The following PYCR3 variants were observed in gnomAD, a reference collection of about 807,000 sequenced individuals.
PYCR3 encodes pyrroline-5-carboxylate reductase 3, also known as P5C reductase 3.
In PYCR3, 26 loss-of-function variants were observed where a neutral mutation model predicts 23.4. The ratio of observed to expected loss-of-function variants is 1.11; its 90% confidence interval spans 0.81 to 1.54. The LOEUF (loss-of-function observed/expected upper bound fraction) is 1.54. Among genes scored for constraint, PYCR3 ranks in the 40% most tolerant of loss-of-function variants. The probability of loss-of-function intolerance (pLI) is 0.00; values close to 1 mark genes in which losing one functional copy is unlikely to be tolerated. For missense variants in PYCR3, 360 were observed against 376.3 expected (o/e 0.96, Z 0.36); for synonymous variants, 194 against 162.6 (o/e 1.19, Z -1.47).
At chr8:143,608,289 C>T (rs1829457273) in intron 1 of PYCR3, 163 bp from the exon 2 acceptor site, 1 of 605,074 alleles carries the variant, frequency 1.7e-6, no homozygotes, top group Non-Finnish European at 2.9e-6. Context: ...ATTCACTGGG[C>T]CCAGGCAATC....
At position 143,605,967 on chromosome 8, in the gene PYCR3, T is replaced by C; in HGVS notation, c.643-85A>G. The C allele has an allele frequency of 4.5e-6, 7 of 1,561,776 alleles. No homozygotes were observed. The Admixed American group carries it at 7.0e-5, about 16-fold the overall frequency. On this transcript the variant is annotated intron_variant, in intron 5 of 5. Transcript: ENST00000495276. ...CTGCCCTCGTTGCATCCCCCAACCT[T>C]GGCCCCAGCTTCTCGAGCCTGCTGT...
In PYCR3 at chr8:143,605,351, G is replaced by A. The variant is rs1193369458; in HGVS notation, c.*349C>T. On this transcript the variant is annotated 3_prime_UTR_variant, in exon 6 of 6. Transcript: ENST00000495276. ...GGGCCAGCCGTGCCTGTTACCGTAA[G>A]TTCTGTTCATGGCCTCAACCAACTG... The A allele has an allele frequency of 2.7e-6, 1 of 375,722 alleles. No individual in the cohort carries two copies. Among genetic ancestry groups the A allele is most frequent in the African/African-American group, 2.0e-5 (1 of 48,888 alleles). The allele number at this position is 375,722 out of a possible 1,614,324, so 23.3% of individuals were successfully genotyped here.
chr8:143,609,562 A>G lies in PYCR3; in HGVS notation c.-14T>C, dbSNP rs757971555. On this transcript the variant is annotated 5_prime_UTR_variant, in exon 1 of 6. Coordinates refer to ENST00000495276, the MANE Select transcript of PYCR3 (RefSeq NM_023078.6). ...CGCAGCTGCCATCTTGTTGCCTCGG[A>G]CGCCGCTGCGCTCACCGCCCATCCA... 4.3e-4 allele frequency: 639 copies of G among 1,495,664 alleles called. No homozygotes were observed. Among genetic ancestry groups the G allele is most frequent in the Non-Finnish European group, 5.3e-4 (603 of 1,130,180 alleles). The allele number at this position is 1,495,664 out of a possible 1,614,324, so 92.6% of individuals were successfully genotyped here. A position where few individuals can be genotyped will look rare whatever the true frequency, so the allele number is the denominator to read the frequency against.
rs377355698 is a variant in PYCR3, at chr8:143,606,584, C to A, written c.432G>T (p.Val144=). 6 of 1,612,592 alleles carry A rather than the reference C, an allele frequency of 3.7e-6. No individual in the cohort carries two copies. Among genetic ancestry groups the A allele is most frequent in the Middle Eastern group, 3.3e-4 (2 of 6,058 alleles). Residue 144 remains valine (V), a synonymous_variant, in exon 4 of 6, where the codon GTG becomes GTT. Transcript: ENST00000495276. ...GAIVMARGRH[V]GSSETKLLQH... is the part of the protein sequence containing the mutation. The stretch of plus-strand genomic sequence containing the variant: ...GCAGGAGCTTGGTCTCGCTGCTCCC[C>A]ACGTGGCGGCCCCGCGCCATCACTA...
rs1168024351 is a variant in PYCR3, at chr8:143,606,107, G to T, written c.597C>A (p.Gly199=). ...TGCGGTGGGCCAGGCTGCTGGGCAT[G>T]CCCATCTTGACGGCTCCTTCAGCCA... ...EALAEGAVKM[G]MPSSLAHRIA... Residue 199 remains glycine (G), a synonymous_variant, in exon 5 of 6, where the codon GGC becomes GGA. Coordinates refer to ENST00000495276, the MANE Select transcript of PYCR3 (RefSeq NM_023078.6). The T allele has an allele frequency of 5.0e-6, 8 of 1,611,052 alleles. No individual in the cohort carries two copies. Among genetic ancestry groups the T allele is most frequent in the Middle Eastern group, 1.7e-4 (1 of 6,046 alleles).
chr8:143,606,374 G>T, intron 4 of PYCR3, 93 bp downstream of exon 4: 2 of 1,400,290 alleles, frequency 1.4e-6, no homozygotes, highest in Non-Finnish European at 2.0e-6. Context: ...CAGGCCTCAA[G>T]GTTGGACTCT....
At position 143,606,459 on chromosome 8, in the gene PYCR3, A is replaced by G. The variant is rs1259741702; in HGVS notation, c.549+8T>C. ...GGTGGGGCCGGGGATGGACGAGGCAATACTCACGAAGGCCACGCCACTGCC... is the reference window on the plus strand; with the variant it reads ...GGTGGGGCCGGGGATGGACGAGGCAGTACTCACGAAGGCCACGCCACTGCC... On this transcript the variant is annotated splice_region_variant and intron_variant, in intron 4 of 5. Transcript: ENST00000495276. 1 of 1,612,124 alleles carries G rather than the reference A, an allele frequency of 6.2e-7. No individual in the cohort carries two copies. The highest frequency in any genetic ancestry group is 1.3e-5 in the African/African-American group (1 of 75,034).
At chr8:143,607,879 C>T (rs1001161514) in intron 2 of PYCR3, among the ~76,000 whole-genome samples, 183 bp downstream of exon 2, 3 of 152,158 alleles carry the variant, frequency 2.0e-5, no homozygotes, top group African/African-American at 7.2e-5. Flanking sequence ...TTTGCTTTGG[C>T]CCTCCACAAC....
chr8:143,607,070 G>C lies in PYCR3; in HGVS notation c.219C>G (p.Ile73Met), dbSNP rs781243655. 1.2e-6 allele frequency: 2 copies of C among 1,612,656 alleles called. No homozygotes were observed. Among genetic ancestry groups the C allele is most frequent in the Non-Finnish European group, 8.5e-7 (1 of 1,179,754 alleles). ...QEVLQSCLLV[I>M]FATKPHVLPA... ...GCAGCACATGAGGCTTGGTGGCAAAGATGACGAGCAGGCAGCTCTGCAGCA... is the reference window on the plus strand; with the variant it reads ...GCAGCACATGAGGCTTGGTGGCAAACATGACGAGCAGGCAGCTCTGCAGCA... Residue 73 changes from isoleucine (I) to methionine (M), a missense_variant, in exon 3 of 6, where the codon ATC becomes ATG. Physicochemically the swap from Ile to Met is conservative, Grantham distance 10 (BLOSUM62 1). Coordinates refer to ENST00000495276, the MANE Select transcript of PYCR3 (RefSeq NM_023078.6).
rs532528390 is a variant in PYCR3 at position 143,609,489 on chromosome 8, C to G, written c.60G>C (p.Ala20=). 1 of 1,513,910 alleles carries G rather than the reference C, an allele frequency of 6.6e-7. No homozygotes were observed. The highest frequency in any genetic ancestry group is 8.8e-7 in the Non-Finnish European group (1 of 1,138,842). 93.8% of individuals were successfully genotyped at this position (1,513,910 alleles called of 1,614,324 possible). The change falls in exon 1 of 6, where the codon GCG becomes GCC. Residue 20 remains alanine, a synonymous_variant. Coordinates refer to ENST00000495276, the MANE Select transcript of PYCR3 (RefSeq NM_023078.6). ...TGATGAGGCCCTGCGCGATGGCCCCCGCCATGCGGCCCGCGCCCACGAAGC... is the reference window on the plus strand; with the variant it reads ...TGATGAGGCCCTGCGCGATGGCCCCGGCCATGCGGCCCGCGCCCACGAAGC... ...RVGFVGAGRM[A]GAIAQGLIRA...
At position 143,605,228 on chromosome 8, in the gene PYCR3, C is replaced by T. The variant is rs957301948; in HGVS notation, c.*472G>A. 3 of 310,520 alleles carry T rather than the reference C, an allele frequency of 9.7e-6. No homozygotes were observed. 19.2% of individuals were successfully genotyped at this position (310,520 alleles called of 1,614,324 possible). ...TCTCTTGTGCAGACCCCATATGGCTCGTGCCCCCTAGAGCTGAGATGAGGC... is the reference window on the plus strand; with the variant it reads ...TCTCTTGTGCAGACCCCATATGGCTTGTGCCCCCTAGAGCTGAGATGAGGC... On this transcript the variant is annotated 3_prime_UTR_variant, in exon 6 of 6. Transcript: ENST00000495276.
At chr8:143,606,711 T>C (rs764560127) in intron 3 of PYCR3, 32 bp from the exon 4 acceptor site, 33 of 1,555,274 alleles carry the variant, frequency 2.1e-5, no homozygotes, top group Admixed American at 5.7e-5. Flanking sequence ...TCAGGGAGTC[T>C]GTAGGACTGG....
At chr8:143,608,781 G>C in intron 1 of PYCR3, 1 of 456,306 alleles carries the variant, frequency 2.2e-6, no homozygotes, top group Non-Finnish European at 4.4e-6. Context: ...GCTCTGGGAG[G>C]CATGCGGTAC....
rs1329799511 is a variant in PYCR3, at chr8:143,605,121, T to C, written c.*579A>G. 2.8e-6 allele frequency: 1 copy of C among 357,628 alleles called. No individual in the cohort carries two copies. Among genetic ancestry groups the C allele is most frequent in the East Asian group, 7.8e-5 (1 of 12,744 alleles). The allele number at this position is 357,628 out of a possible 1,614,324, so 22.2% of individuals were successfully genotyped here. On this transcript the variant is annotated 3_prime_UTR_variant, in exon 6 of 6. Transcript: ENST00000495276. ...AGCACGCCCACCACAGCCACCCTCT[T>C]CTCCAGGCTGCAGGGCAGGCTCCAG...
intron 1 of PYCR3, chr8:143,608,620 T>C (rs1829463259): frequency 3.1e-6 from 1 of 318,352 alleles, no homozygotes; most frequent in Non-Finnish European, 6.3e-6. Context: ...GGGTACGGGG[T>C]GGAAAGATTG....
rs1448172219 is a variant in PYCR3 at position 143,607,066 on chromosome 8, C to A, written c.223G>T (p.Ala75Ser). 1 of 1,612,882 alleles carries A rather than the reference C, an allele frequency of 6.2e-7. No individual in the cohort carries two copies. The highest frequency in any genetic ancestry group is 1.7e-4 in the Middle Eastern group (1 of 6,052). ...GCTGGCAGCACATGAGGCTTGGTGG[C>A]AAAGATGACGAGCAGGCAGCTCTGC... is the stretch of plus-strand genomic sequence containing the variant. ...VLQSCLLVIF[A>S]TKPHVLPAVL... The change falls in exon 3 of 6, where the codon GCC becomes TCC. Residue 75 changes from alanine to serine, a missense_variant. Ala to Ser is a moderately conservative substitution (Grantham distance 99). Coordinates refer to ENST00000495276, the MANE Select transcript of PYCR3 (RefSeq NM_023078.6).
rs1377179357 is a variant in PYCR3, at chr8:143,609,478, G to A, written c.71C>T (p.Ala24Val). 2.6e-6 allele frequency: 4 copies of A among 1,511,612 alleles called. No homozygotes were observed. In the African/African-American group the frequency reaches 4.3e-5, roughly 16 times the overall value. The allele number at this position is 1,511,612 out of a possible 1,614,324, so 93.6% of individuals were successfully genotyped here. A position where few individuals can be genotyped will look rare whatever the true frequency, so the allele number is the denominator to read the frequency against. Residue 24 changes from alanine (A) to valine (V), a missense_variant, in exon 1 of 6, where the codon GCG becomes GTG. Coordinates refer to ENST00000495276, the MANE Select transcript of PYCR3 (RefSeq NM_023078.6). ...VGAGRMAGAIAQGLIRAGKVE... is the reference protein window; with the variant it reads ...VGAGRMAGAIVQGLIRAGKVE... ...CCCACCTGCTCTGATGAGGCCCTGC[G>A]CGATGGCCCCCGCCATGCGGCCCGC...
At chr8:143,607,219 C>T (rs555619123) in intron 2 of PYCR3, 87 bp from the exon 3 acceptor site, 14 of 1,299,910 alleles carry the variant, frequency 1.1e-5, no homozygotes, top group Admixed American at 2.6e-5. Context: ...GGATGCCACA[C>T]GTTCCCATGG....
chr8:143,605,841 G>T lies in PYCR3; in HGVS notation c.684C>A (p.Ala228=). ...KMLLHEGQHP[A]QLRSDVCTPG... ...GGGTGCACACGTCTGAGCGCAGCTGGGCTGGGTGTTGGCCCTCGTGCAGCA... is the reference window on the plus strand; with the variant it reads ...GGGTGCACACGTCTGAGCGCAGCTGTGCTGGGTGTTGGCCCTCGTGCAGCA... The change falls in exon 6 of 6, where the codon GCC becomes GCA. Residue 228 remains alanine (A), a synonymous_variant. Transcript: ENST00000495276. 6.2e-7 allele frequency: 1 copy of T among 1,611,138 alleles called. No individual in the cohort carries two copies.
Sources: allele counts gnomAD v4.1 joint callset (sites outside exome capture counted in the v4.1 genomes callset), GRCh38; gene constraint gnomAD v4.1.1; transcripts MANE v1.5; gene names NCBI Gene and HGNC (gene_info 2026-07-23, HGNC 2026-07-21).